The following TBC1D23 variants were observed in gnomAD, a reference collection of about 807,000 sequenced individuals.
TBC1D23 encodes HCV non-structural protein 4A-transactivated protein 1.
In TBC1D23, 55 loss-of-function variants were observed where a neutral mutation model predicts 91.4. The observed-to-expected ratio is 0.60, with a 90% CI of 0.48 to 0.75. The LOEUF is 0.75. Ranked by LOEUF, TBC1D23 falls within the 30% of genes least tolerant of loss-of-function variation. TBC1D23 has a pLI of 0.00. For synonymous variants in TBC1D23, 289 were observed against 281.0 expected (o/e 1.03, Z -0.28); for missense variants, 725 against 836.1 (o/e 0.87, Z 1.64).
intron 15 of TBC1D23, chr3:100,315,874 G>C (rs1429357467): frequency 9.3e-6 from 5 of 539,092 alleles, no homozygotes; most frequent in African/African-American, 1.9e-5. Context: ...ATATTTAAGA[G>C]CATTCAGCCT....
chr3:100,304,386 TA>T (rs1446572969), intron 11 of TBC1D23, among the ~76,000 whole-genome samples: 1 of 152,138 alleles, frequency 6.6e-6, no homozygotes, highest in African/African-American at 2.4e-5. Context: ...TTTTTTTATT[TA>T]TATTACTTAG....
chr3:100,262,742 A>AAAAAC (rs1223238969), intron 1 of TBC1D23, among the ~76,000 whole-genome samples: 1 of 151,538 alleles, frequency 6.6e-6, no homozygotes, highest in Non-Finnish European at 1.5e-5. Flanking sequence ...AAAAAAAAAA[A>AAAAAC]AAACACTAAA....
At chr3:100,284,028 T>G (rs2067719766) in intron 4 of TBC1D23, 1 of 481,914 alleles carries the variant, frequency 2.1e-6, no homozygotes, top group African/African-American at 1.9e-5. Flanking sequence ...GTGGTTATAC[T>G]GGGGTTGGAG....
chr3:100,263,389 A>G (rs1429622010), intron 1 of TBC1D23, among the ~76,000 whole-genome samples: 1 of 152,216 alleles, frequency 6.6e-6, no homozygotes, highest in African/African-American at 2.4e-5. Context: ...ACTTCAGGCC[A>G]TCTGGGCGTA....
intron 13 of TBC1D23, among the ~76,000 whole-genome samples, chr3:100,307,811 T>C (rs747981575): frequency 7.2e-5 from 11 of 152,242 alleles, no homozygotes; most frequent in Non-Finnish European, 1.6e-4. Context: ...ATTTACATTG[T>C]TTCCAGTTTT....
chr3:100,322,465 C>T (rs1408963139), intron 18 of TBC1D23, among the ~76,000 whole-genome samples: 1 of 152,162 alleles, frequency 6.6e-6, no homozygotes, highest in East Asian at 1.9e-4. Context: ...ATTGATTTAA[C>T]AAGCCTCATG....
chr3:100,320,649 T>G (rs1308657736), intron 17 of TBC1D23, 128 bp from the exon 18 acceptor site: 7 of 511,450 alleles, frequency 1.4e-5, no homozygotes, highest in African/African-American at 7.8e-5. Flanking sequence ...TAACCTCTGT[T>G]TATATCTTTT....
At position 100,296,403 on chromosome 3, in the gene TBC1D23, T is replaced by C. The variant is rs2067840789; in HGVS notation, c.876+128T>C. 7.1e-6 allele frequency: 4 copies of C among 564,020 alleles called. No individual in the cohort carries two copies. The South Asian group carries it at 8.7e-5, about 12-fold the overall frequency. The allele number at this position is 564,020 out of a possible 1,614,324, so 34.9% of individuals were successfully genotyped here. A position where few individuals can be genotyped will look rare whatever the true frequency, so the allele number is the denominator to read the frequency against. ...TTTCTTTATGTGTTGTAGTTTTGTG[T>C]GATTTTTTTTTTTCATCTCTGTAAA... On this transcript the variant is annotated intron_variant, in intron 8 of 18. Coordinates refer to ENST00000394144, the MANE Select transcript of TBC1D23 (RefSeq NM_001199198.3).
intron 1 of TBC1D23, among the ~76,000 whole-genome samples, chr3:100,273,104 T>C (rs920801421): frequency 6.6e-6 from 1 of 152,170 alleles, no homozygotes; most frequent in Non-Finnish European, 1.5e-5. Flanking sequence ...TTTCAGACTA[T>C]CACATGGGGA....
chr3:100,305,486 A>G (rs1295029228), intron 12 of TBC1D23, among the ~76,000 whole-genome samples: 4 of 152,142 alleles, frequency 2.6e-5, no homozygotes, highest in Admixed American at 1.3e-4. Flanking sequence ...ACATTAGAAA[A>G]AGAGATACTA....
At chr3:100,317,479 A>T (rs541624420) in intron 16 of TBC1D23, among the ~76,000 whole-genome samples, 1 of 152,312 alleles carries the variant, frequency 6.6e-6, no homozygotes, top group Non-Finnish European at 1.5e-5. Context: ...TATGTAGATT[A>T]GCTTCTGATG....
At chr3:100,273,196 TTA>T (rs2067615383) in intron 1 of TBC1D23, among the ~76,000 whole-genome samples, 1 of 152,184 alleles carries the variant, frequency 6.6e-6, no homozygotes, top group South Asian at 2.1e-4. Flanking sequence ...GTACTTGAGA[TTA>T]GGGAGTGGTG....
intron 1 of TBC1D23, among the ~76,000 whole-genome samples, chr3:100,264,553 G>T (rs2067543022): frequency 6.6e-6 from 1 of 152,198 alleles, no homozygotes; most frequent in African/African-American, 2.4e-5. Context: ...TTGTGTTATT[G>T]TAATGTGGTG....
In TBC1D23 at chr3:100,295,297, T is replaced by G; in HGVS notation, c.726-5T>G. The stretch of plus-strand genomic sequence containing the variant: ...AACTCAAATTGATTTGATTCCCTTT[T>G]ACAGAGAAGTTATTTTAACACAAGA... On this transcript the variant is annotated splice_region_variant and splice_polypyrimidine_tract_variant and intron_variant, in intron 6 of 18. Transcript: ENST00000394144. The G allele has an allele frequency of 6.2e-7, 1 of 1,610,078 alleles. No homozygotes were observed. The highest frequency in any genetic ancestry group is 8.5e-7 in the Non-Finnish European group (1 of 1,178,572).
chr3:100,308,299 C>T (rs1179501889), intron 13 of TBC1D23, among the ~76,000 whole-genome samples: 1 of 152,068 alleles, frequency 6.6e-6, no homozygotes, highest in Non-Finnish European at 1.5e-5. Context: ...CACGGTGAAA[C>T]CCCGTCTCTA....
intron 1 of TBC1D23, among the ~76,000 whole-genome samples, chr3:100,262,350 G>T (rs2067518451): frequency 6.6e-6 from 1 of 152,178 alleles, no homozygotes; most frequent in Non-Finnish European, 1.5e-5. Context: ...AGGCTTTGAA[G>T]AATAAGTAGG....
At chr3:100,310,805 T>C (rs1027594219) in intron 14 of TBC1D23, among the ~76,000 whole-genome samples, 3 of 152,254 alleles carry the variant, frequency 2.0e-5, no homozygotes, top group Admixed American at 1.3e-4. Context: ...TGTCCCAGTA[T>C]GTATCACATT....
intron 3 of TBC1D23, among the ~76,000 whole-genome samples, chr3:100,282,411 T>A (rs558205258): frequency 6.6e-6 from 1 of 152,352 alleles, no homozygotes; most frequent in African/African-American, 2.4e-5. Flanking sequence ...TAAATTTGAT[T>A]TTTATATAAT....
rs867850802 is a variant in TBC1D23 at position 100,293,134 on chromosome 3, T to C, written c.601-1953T>C. 6.5e-3 allele frequency among the ~76,000 whole-genome samples: 899 copies of C among 137,478 alleles called. 6 individuals carry two copies. The highest frequency in any genetic ancestry group is 7.6e-3 in the South Asian group (31 of 4,074). The allele number at this position is 137,478 out of a possible 152,430, so 90.2% of individuals were successfully genotyped here. ...GTTTGTTTGTTTGTTTGTTTACTTA[T>C]TTATTTATTTATTTATTTTGTGAGA... On this transcript the variant is annotated intron_variant, in intron 5 of 18. Coordinates refer to ENST00000394144, the MANE Select transcript of TBC1D23 (RefSeq NM_001199198.3).
Sources: gnomAD v4.1 joint callset for allele counts (sites outside exome capture counted in the v4.1 genomes callset) on GRCh38, gnomAD v4.1.1 for gene constraint, MANE v1.5 for transcripts, NCBI Gene and HGNC (gene_info 2026-07-23, HGNC 2026-07-21) for gene names.